The following MYOCD variants were observed in gnomAD, a reference collection of about 807,000 sequenced individuals.
The protein encoded by MYOCD is myocardin.
A neutral mutation model predicts 96.1 loss-of-function variants in MYOCD; 32 were observed. The observed-to-expected ratio is 0.33, with a 90% CI of 0.25 to 0.45. The LOEUF is 0.45. MYOCD is among the 20% of genes least tolerant of loss of function. The pLI is 1.00. For missense variants in MYOCD, 1,133 were observed against 1,200.6 expected (o/e 0.94, Z 0.83); for synonymous variants, 469 against 469.0 (o/e 1.00, Z 0.00).
At chr17:12,712,245 C>G (rs2031503618) in intron 2 of MYOCD, among the ~76,000 whole-genome samples, 1 of 152,156 alleles carries the variant, frequency 6.6e-6, no homozygotes, top group African/African-American at 2.4e-5. Context: ...CTCGTTGCCG[C>G]CCCAAGTCTC....
chr17:12,719,148 C>T (rs936038939), intron 4 of MYOCD, among the ~76,000 whole-genome samples: 4 of 126,586 alleles, frequency 3.2e-5, no homozygotes, highest in African/African-American at 6.4e-5. Flanking sequence ...GCACTCCAGC[C>T]GGGGCCACAG....
At chr17:12,748,919 CAT>C (rs2032748078) in intron 9 of MYOCD, among the ~76,000 whole-genome samples, 1 of 151,958 alleles carries the variant, frequency 6.6e-6, no homozygotes, top group East Asian at 1.9e-4. Flanking sequence ...TATAAAGTAA[CAT>C]ATATTGACTG....
intron 9 of MYOCD, among the ~76,000 whole-genome samples, chr17:12,748,933 T>G (rs1354916705): frequency 6.6e-6 from 1 of 152,198 alleles, no homozygotes; most frequent in African/African-American, 2.4e-5. Context: ...TATTGACTGT[T>G]GAAATATGAT....
At chr17:12,670,898 G>A (rs1410927627) in intron 1 of MYOCD, among the ~76,000 whole-genome samples, 3 of 152,158 alleles carry the variant, frequency 2.0e-5, no homozygotes, top group Non-Finnish European at 2.9e-5. Context: ...TTTGGGGTCT[G>A]GCTCAAGCCA....
At chr17:12,738,366 G>A (rs895551331) in intron 6 of MYOCD, among the ~76,000 whole-genome samples, 1 of 152,094 alleles carries the variant, frequency 6.6e-6, no homozygotes, top group South Asian at 2.1e-4. Flanking sequence ...GAGGAATATA[G>A]GAGAGAAAGA....
chr17:12,714,462 A>G (rs1404271081), intron 2 of MYOCD, among the ~76,000 whole-genome samples: 1 of 152,026 alleles, frequency 6.6e-6, no homozygotes, highest in Non-Finnish European at 1.5e-5. Context: ...GTAACATTGG[A>G]ACTCGGGATC....
intron 1 of MYOCD, among the ~76,000 whole-genome samples, chr17:12,701,846 G>A (rs994360022): frequency 3.3e-5 from 5 of 151,938 alleles, no homozygotes; most frequent in Admixed American, 6.6e-5. Context: ...GAAATGTATT[G>A]CCAAAGATTT....
In MYOCD at chr17:12,763,724, C is replaced by A; in HGVS notation, c.*80C>A. ...ACACAGCCATACATACTTTACTGTCCAAAAACAGAAGAAGAAGAAGAGAAT... is the reference window on the plus strand; with the variant it reads ...ACACAGCCATACATACTTTACTGTCAAAAAACAGAAGAAGAAGAAGAGAAT... On this transcript the variant is annotated 3_prime_UTR_variant, in exon 14 of 14. Transcript: ENST00000425538. 8.4e-7 allele frequency: 1 copy of A among 1,193,374 alleles called. No individual in the cohort carries two copies. The highest frequency in any genetic ancestry group is 1.2e-6 in the Non-Finnish European group (1 of 855,984). 73.9% of individuals were successfully genotyped at this position (1,193,374 alleles called of 1,614,324 possible).
intron 5 of MYOCD, among the ~76,000 whole-genome samples, chr17:12,725,668 GTATTA>G (rs1026947765): frequency 1.9e-4 from 28 of 150,274 alleles, no homozygotes; most frequent in African/African-American, 5.6e-4. Context: ...TATATTATAT[GTATTA>G]TATTATATTA....
intron 1 of MYOCD, among the ~76,000 whole-genome samples, chr17:12,667,626 T>C (rs541377349): frequency 1.8e-4 from 28 of 152,284 alleles, no homozygotes; most frequent in Non-Finnish European, 3.5e-4. Context: ...TCCTTGCCAG[T>C]TTAAATGTGG....
At chr17:12,669,636 T>G (rs1909579674) in intron 1 of MYOCD, among the ~76,000 whole-genome samples, 1 of 152,092 alleles carries the variant, frequency 6.6e-6, no homozygotes, top group South Asian at 2.1e-4. Context: ...TTTTTTTTTC[T>G]GAGACGGAGT....
chr17:12,684,586 C>T (rs558013276), intron 1 of MYOCD, among the ~76,000 whole-genome samples: 167 of 152,256 alleles, frequency 1.1e-3, no homozygotes, highest in Middle Eastern at 3.4e-3. Flanking sequence ...GTGGCTCATG[C>T]CTGTAATCCC....
chr17:12,762,504 GA>G (rs2033205138), intron 13 of MYOCD: 1 of 149,666 alleles, frequency 6.7e-6, no homozygotes, highest in African/African-American at 2.5e-5. Flanking sequence ...AGTTGAGGAG[GA>G]AGTCGGGAGC....
In MYOCD at chr17:12,722,992, G is replaced by A. The variant is rs767202852; in HGVS notation, c.399G>A (p.Val133=). Residue 133 remains valine (V), a synonymous_variant, in exon 5 of 14, where the codon GTG becomes GTA. Coordinates refer to ENST00000425538, the MANE Select transcript of MYOCD (RefSeq NM_001146312.3). ...ACATTCTTCCTGTGGATTCTGCTGT[G>A]AAAGAGGCCATAAAAGGTAGTTAGA... ...EKNILPVDSA[V]KEAIKGNQVS... is the part of the protein sequence containing the mutation. 3 of 1,613,808 alleles carry A rather than the reference G, an allele frequency of 1.9e-6. No homozygotes were observed. The South Asian group carries it at 3.3e-5, about 18-fold the overall frequency.
intron 4 of MYOCD, 69 bp downstream of exon 4, chr17:12,717,490 G>T: frequency 9.4e-6 from 12 of 1,276,566 alleles, no homozygotes; most frequent in Non-Finnish European, 1.4e-5. Context: ...AGAGTTACTT[G>T]TCTCTGTACA....
intron 9 of MYOCD, among the ~76,000 whole-genome samples, chr17:12,749,730 T>C (rs2032788307): frequency 6.6e-6 from 1 of 150,398 alleles, no homozygotes; most frequent in African/African-American, 2.4e-5. Flanking sequence ...TGTGTGTGTA[T>C]ATATATATAT....
At chr17:12,740,497 T>C (rs2032475118) in intron 7 of MYOCD, among the ~76,000 whole-genome samples, 1 of 152,232 alleles carries the variant, frequency 6.6e-6, no homozygotes, top group Admixed American at 6.5e-5. Context: ...CAAAAGACAT[T>C]ATTTCATTCC....
intron 9 of MYOCD, among the ~76,000 whole-genome samples, chr17:12,749,429 T>A (rs943810109): frequency 5.9e-5 from 9 of 151,748 alleles, no homozygotes; most frequent in Admixed American, 2.6e-4. Context: ...CTCAGGAGGC[T>A]GAGGCAGGGG....
chr17:12,767,909 G>A lies in MYOCD; in HGVS notation c.*4265G>A, dbSNP rs2033382714. The A allele has an allele frequency of 6.6e-6, 1 of 152,094 alleles. No homozygotes were observed. Among genetic ancestry groups the A allele is most frequent in the African/African-American group, 2.4e-5 (1 of 41,392 alleles). 9.4% of individuals were successfully genotyped at this position (152,094 alleles called of 1,614,324 possible). The stretch of plus-strand genomic sequence containing the variant: ...TCTATAGACAAAAGGGACACTTACT[G>A]GTGAGCCTCTGGCCCTTAAAAGAAA... On this transcript the variant is annotated 3_prime_UTR_variant, in exon 14 of 14. Coordinates refer to ENST00000425538, the MANE Select transcript of MYOCD (RefSeq NM_001146312.3).
Sources: gnomAD v4.1 joint callset for allele counts (sites outside exome capture counted in the v4.1 genomes callset) on GRCh38, gnomAD v4.1.1 for gene constraint, MANE v1.5 for transcripts, NCBI Gene and HGNC (gene_info 2026-07-23, HGNC 2026-07-21) for gene names.